STPG2: variants seen among roughly 807,000 people sequenced by gnomAD.
The protein encoded by STPG2 is sperm tail PG-rich repeat containing 2, also known as sperm-tail PG-rich repeat-containing protein 2.
In STPG2, 56 loss-of-function variants were observed where a neutral mutation model predicts 54.2. The ratio of observed to expected loss-of-function variants is 1.03; its 90% confidence interval spans 0.83 to 1.29. The LOEUF (loss-of-function observed/expected upper bound fraction) is 1.29, where lower values mean the gene tolerates loss of function less well. STPG2 is among the 50% of genes most tolerant of loss of function. STPG2 has a pLI of 0.00. For missense variants in STPG2, 596 were observed against 544.9 expected, an observed-to-expected ratio of 1.09 and a Z score of -0.93; for synonymous variants, 200 against 181.8, an observed-to-expected ratio of 1.10 and a Z score of -0.81.
At chr4:97,892,491 A>T (rs1202882355) in intron 8 of STPG2, among the ~76,000 whole-genome samples, 1 of 152,130 alleles carries the variant, frequency 6.6e-6, no homozygotes, top group African/African-American at 2.4e-5. Context: ...CACTTCCCTA[A>T]TCTCCAGTCA....
chr4:97,887,972 G>C (rs145112706), intron 8 of STPG2, among the ~76,000 whole-genome samples: 296 of 152,322 alleles, frequency 1.9e-3, no homozygotes, highest in African/African-American at 7.0e-3. Context: ...CACTGCTTCA[G>C]AGGATTTAAG....
intron 10 of STPG2, among the ~76,000 whole-genome samples, chr4:97,623,750 C>T (rs1734072313): frequency 6.6e-6 from 1 of 151,956 alleles, no homozygotes; most frequent in African/African-American, 2.4e-5. Flanking sequence ...GGTATTAAGC[C>T]CAGCATGCAT....
intron 5 of STPG2, among the ~76,000 whole-genome samples, chr4:98,022,358 T>C (rs1163445860): frequency 1.3e-5 from 2 of 152,200 alleles, no homozygotes; most frequent in African/African-American, 2.4e-5. Flanking sequence ...CACTCTCTTC[T>C]GGCTTGTAGA....
At chr4:97,817,389 G>T (rs1727950349) in intron 9 of STPG2, among the ~76,000 whole-genome samples, 2 of 151,816 alleles carry the variant, frequency 1.3e-5, no homozygotes, top group South Asian at 2.1e-4. Flanking sequence ...AAATGGTATT[G>T]AATTATTTTA....
intron 4 of STPG2, among the ~76,000 whole-genome samples, chr4:97,467,864 G>A (rs1197940355): frequency 6.7e-6 from 1 of 148,454 alleles, no homozygotes; most frequent in African/African-American, 2.5e-5. Context: ...TTTTTAAGAT[G>A]GGATAGGACT....
At chr4:97,863,031 A>G (rs1203772697) in intron 8 of STPG2, among the ~76,000 whole-genome samples, 2 of 152,174 alleles carry the variant, frequency 1.3e-5, no homozygotes, top group Non-Finnish European at 2.9e-5. Context: ...ATCACAATTA[A>G]AAGAACTAGA....
At chr4:97,649,332 A>G (rs1721999751) in intron 10 of STPG2, among the ~76,000 whole-genome samples, 3 of 152,148 alleles carry the variant, frequency 2.0e-5, no homozygotes, top group African/African-American at 7.2e-5. Flanking sequence ...TGGGAAAAAC[A>G]GGTATTCTTT....
At chr4:97,731,869 G>C (rs1195626220) in intron 9 of STPG2, among the ~76,000 whole-genome samples, 1 of 152,180 alleles carries the variant, frequency 6.6e-6, no homozygotes, top group African/African-American at 2.4e-5. Flanking sequence ...CAGACCTGCA[G>C]CTTTGTCCTT....
chr4:97,688,824 A>T (rs1723278633), intron 10 of STPG2, among the ~76,000 whole-genome samples: 1 of 152,204 alleles, frequency 6.6e-6, no homozygotes, highest in Non-Finnish European at 1.5e-5. Flanking sequence ...GTATTCATTC[A>T]CCAAATAATA....
chr4:97,773,994 G>GGT (rs34968031), intron 9 of STPG2, among the ~76,000 whole-genome samples: 17,439 of 146,954 alleles, frequency 0.12, 1,158 homozygotes, highest in African/African-American at 0.2. Context: ...TAAAATATAG[G>GGT]GTGTGTGTGT....
At chr4:98,128,220 A>G (rs1444797051) in intron 3 of STPG2, among the ~76,000 whole-genome samples, 1 of 152,218 alleles carries the variant, frequency 6.6e-6, no homozygotes, top group African/African-American at 2.4e-5. Context: ...AAAGTCACTT[A>G]ACGAGAATGT....
chr4:97,840,678 T>C lies in STPG2; in HGVS notation c.1204+95A>G, dbSNP rs1301546257. 5.0e-6 allele frequency: 7 copies of C among 1,386,734 alleles called. No homozygotes were observed. In the African/African-American group the frequency reaches 7.3e-5, roughly 14 times the overall value. 85.9% of individuals were successfully genotyped at this position (1,386,734 alleles called of 1,614,324 possible). ...GTTATACATTATTTTGCTTAACTTTTCAGTCTCCAAGAACCTATCAATGAT... is the reference window on the plus strand; with the variant it reads ...GTTATACATTATTTTGCTTAACTTTCCAGTCTCCAAGAACCTATCAATGAT... On this transcript the variant is annotated intron_variant, in intron 9 of 10. Coordinates refer to ENST00000295268, the MANE Select transcript of STPG2 (RefSeq NM_174952.3).
At chr4:97,563,874 T>C (rs565348142) in intron 10 of STPG2, among the ~76,000 whole-genome samples, 1 of 152,308 alleles carries the variant, frequency 6.6e-6, no homozygotes, top group Admixed American at 6.5e-5. Context: ...TGGTCAATTT[T>C]GGAATAGGTG....
chr4:98,123,562 A>T (rs1366470435), intron 3 of STPG2, among the ~76,000 whole-genome samples: 1 of 152,178 alleles, frequency 6.6e-6, no homozygotes, highest in Non-Finnish European at 1.5e-5. Context: ...ACTGTTCATT[A>T]TGATTTCAGT....
chr4:97,923,610 G>C (rs1282337099), intron 8 of STPG2, among the ~76,000 whole-genome samples: 1 of 152,192 alleles, frequency 6.6e-6, no homozygotes, highest in African/African-American at 2.4e-5. Context: ...CTAGCTCAAG[G>C]TTTGTAAATG....
intron 4 of STPG2, among the ~76,000 whole-genome samples, chr4:97,489,300 T>A (rs1323997705): frequency 6.6e-6 from 1 of 151,652 alleles, no homozygotes; most frequent in Non-Finnish European, 1.5e-5. Flanking sequence ...CTAATACAGA[T>A]GGATTAGATA....
intron 5 of STPG2, among the ~76,000 whole-genome samples, chr4:97,993,843 T>A (rs1157831279): frequency 6.6e-6 from 1 of 152,182 alleles, no homozygotes; most frequent in Non-Finnish European, 1.5e-5. Flanking sequence ...AATTTATCCA[T>A]CTCCTCTAGG....
At chr4:97,842,800 T>C (rs1271092858) in intron 8 of STPG2, among the ~76,000 whole-genome samples, 2 of 151,868 alleles carry the variant, frequency 1.3e-5, no homozygotes, top group Admixed American at 6.6e-5. Context: ...ATACTACCCT[T>C]GTTCATGACC....
chr4:98,084,328 C>A (rs116591058), intron 5 of STPG2, among the ~76,000 whole-genome samples: 4 of 152,076 alleles, frequency 2.6e-5, no homozygotes, highest in Non-Finnish European at 5.9e-5. Flanking sequence ...TATGAATATC[C>A]CACAATTTAT....
Sources: gnomAD v4.1 joint callset for allele counts (sites outside exome capture counted in the v4.1 genomes callset) on GRCh38, gnomAD v4.1.1 for gene constraint, MANE v1.5 for transcripts, NCBI Gene and HGNC (gene_info 2026-07-23, HGNC 2026-07-21) for gene names.